Variants in CUX1 observed in about 807,000 individuals in gnomAD.
CUX1 encodes the protein protein CASP.
In CUX1, 31 loss-of-function variants were observed where a neutral mutation model predicts 158.8. The ratio of observed to expected loss-of-function variants is 0.20; its 90% CI spans 0.15 to 0.26. CUX1 has a LOEUF of 0.26. CUX1 is among the 10% of genes least tolerant of loss of function. The pLI is 1.00. For synonymous variants in CUX1, 879 were observed against 862.1 expected (o/e 1.02, Z -0.34); for missense variants, 1,589 against 2,014.6 (o/e 0.79, Z 4.04).
chr7:102,123,534 G>A (rs200930335), intron 8 of CUX1, among the ~76,000 whole-genome samples: 4 of 148,468 alleles, frequency 2.7e-5, no homozygotes, highest in South Asian at 2.2e-4. Flanking sequence ...GCGTGAACCC[G>A]GGAGGCAGAG....
chr7:101,975,506 A>G (rs1164625767), intron 2 of CUX1, among the ~76,000 whole-genome samples: 1 of 152,036 alleles, frequency 6.6e-6, no homozygotes. Flanking sequence ...GCAGTGAGCT[A>G]TGATTGTGTC....
rs112204119 is a variant in CUX1 at position 102,252,661 on chromosome 7, C to T, written c.*3619C>T. On this transcript the variant is annotated 3_prime_UTR_variant, in exon 24 of 24. Transcript: ENST00000292535. ...AGCTCCCTTGTGATAGCCGAGATGG[C>T]AGGTGTGTGAGTTCTGTCCTAGACC... The T allele has an allele frequency of 1.0e-6, 1 of 985,422 alleles. No individual in the cohort carries two copies. Among genetic ancestry groups the T allele is most frequent in the African/African-American group, 1.7e-5 (1 of 57,346 alleles). 61.0% of individuals were successfully genotyped at this position (985,422 alleles called of 1,614,324 possible).
intron 2 of CUX1, among the ~76,000 whole-genome samples, chr7:101,937,120 G>C (rs2129130350): frequency 6.6e-6 from 1 of 152,208 alleles, no homozygotes; most frequent in East Asian, 1.9e-4. Flanking sequence ...TCCCCTGCCG[G>C]GACTGTGTTT....
At chr7:102,069,623 C>T (rs1375629193) in intron 3 of CUX1, among the ~76,000 whole-genome samples, 1 of 152,142 alleles carries the variant, frequency 6.6e-6, no homozygotes, top group Non-Finnish European at 1.5e-5. Context: ...GTGGTAGGCA[C>T]CTGTAATTCC....
At chr7:102,202,335 C>T in intron 18 of CUX1, 131 bp downstream of exon 18, 1 of 1,268,504 alleles carries the variant, frequency 7.9e-7, no homozygotes, top group Non-Finnish European at 1.1e-6. Context: ...GCATCCTCTG[C>T]TCCCAGACTT....
intron 2 of CUX1, among the ~76,000 whole-genome samples, chr7:102,020,771 T>C (rs1243631437): frequency 1.3e-5 from 2 of 151,954 alleles, no homozygotes; most frequent in East Asian, 3.9e-4. Flanking sequence ...TCCCAGCTAC[T>C]TGGGAAGCTG....
chr7:102,282,902 C>T, intron 22 of CUX1: 2 of 872,998 alleles, frequency 2.3e-6, no homozygotes, highest in East Asian at 2.9e-5. Flanking sequence ...CCATTCTGGC[C>T]CTCCCCCTAC....
chr7:101,911,612 A>C (rs1366045457), intron 1 of CUX1, among the ~76,000 whole-genome samples: 1 of 151,110 alleles, frequency 6.6e-6, no homozygotes, highest in South Asian at 2.1e-4. Context: ...GGATGACCTG[A>C]GCCTTGGCGT....
chr7:101,854,567 G>T (rs376273191), intron 1 of CUX1, among the ~76,000 whole-genome samples: 1 of 152,200 alleles, frequency 6.6e-6, no homozygotes, highest in East Asian at 1.9e-4. Context: ...GTGCCTCTTG[G>T]CCACTGCTCA....
At chr7:101,829,756 A>G (rs1004123616) in intron 1 of CUX1, among the ~76,000 whole-genome samples, 1 of 152,228 alleles carries the variant, frequency 6.6e-6, no homozygotes, top group African/African-American at 2.4e-5. Context: ...GCAAGACTTC[A>G]AACTCAGCCC....
intron 1 of CUX1, among the ~76,000 whole-genome samples, chr7:101,904,249 G>A (rs2131785475): frequency 6.6e-6 from 1 of 152,258 alleles, no homozygotes; most frequent in South Asian, 2.1e-4. Flanking sequence ...GCAGTAAACT[G>A]TGATTGCATC....
At chr7:102,157,159 G>C (rs1173455229) in intron 8 of CUX1, among the ~76,000 whole-genome samples, 2 of 152,030 alleles carry the variant, frequency 1.3e-5, no homozygotes, top group East Asian at 3.9e-4. Context: ...GCCAAGAGGA[G>C]GAAGGAGCCT....
intron 9 of CUX1, among the ~76,000 whole-genome samples, chr7:102,160,357 G>A (rs1327972718): frequency 1.3e-5 from 2 of 152,016 alleles, no homozygotes; most frequent in Admixed American, 1.3e-4. Flanking sequence ...TTTGTTAAAC[G>A]GGAGAGCCTT....
At chr7:101,863,578 T>G (rs1797677041) in intron 1 of CUX1, among the ~76,000 whole-genome samples, 1 of 152,240 alleles carries the variant, frequency 6.6e-6, no homozygotes, top group African/African-American at 2.4e-5. Context: ...CTCAAACTCC[T>G]GGCCTTAAGT....
At chr7:101,913,370 C>T in intron 1 of CUX1, 32 of 1,267,940 alleles carry the variant, frequency 2.5e-5, no homozygotes, top group Non-Finnish European at 3.3e-5. Flanking sequence ...GCCGCAGACC[C>T]CCGTTGAGTC....
In CUX1 at chr7:102,170,504, A is replaced by G. The variant is rs139855321; in HGVS notation, c.782A>G (p.Asn261Ser). ...ETLREQLSSA[N>S]HSLQLASQIQ... is the part of the protein sequence containing the mutation. Reference sequence around the variant, plus strand: ...TTAAGGGAACAGCTCTCATCGGCCAATCACTCCCTCCAGCTGGCCTCACAG... The same window carrying G: ...TTAAGGGAACAGCTCTCATCGGCCAGTCACTCCCTCCAGCTGGCCTCACAG... The change falls in exon 10 of 24, where the codon AAT becomes AGT. Residue 261 changes from asparagine to serine, a missense_variant. By Grantham distance (46) the Asn-to-Ser change is conservative. Coordinates refer to ENST00000292535, the MANE Select transcript of CUX1 (RefSeq NM_181552.4). The G allele has an allele frequency of 4.0e-5, 64 of 1,592,766 alleles. No homozygotes were observed. In the African/African-American group the frequency reaches 4.7e-4, roughly 12 times the overall value.
chr7:102,125,373 G>A (rs1247215347), intron 8 of CUX1, among the ~76,000 whole-genome samples: 1 of 152,142 alleles, frequency 6.6e-6, no homozygotes. Context: ...GAGTTAGGAC[G>A]GAGGCCCAGC....
At chr7:102,136,923 AG>A (rs2131360934) in intron 8 of CUX1, among the ~76,000 whole-genome samples, 1 of 152,264 alleles carries the variant, frequency 6.6e-6, no homozygotes, top group East Asian at 1.9e-4. Context: ...TTACTGGTGT[AG>A]GGGAGTTTGT....
chr7:102,151,498 G>T (rs1835652209), intron 8 of CUX1, among the ~76,000 whole-genome samples: 2 of 152,028 alleles, frequency 1.3e-5, no homozygotes, highest in Non-Finnish European at 2.9e-5. Context: ...AGGTTGCAGT[G>T]AGCTGAGATC....
Sources: gnomAD v4.1 joint callset for allele counts (sites outside exome capture counted in the v4.1 genomes callset) on GRCh38, gnomAD v4.1.1 for gene constraint, MANE v1.5 for transcripts, NCBI Gene and HGNC (gene_info 2026-07-23, HGNC 2026-07-21) for gene names.